MCC: variants seen among roughly 807,000 people sequenced by gnomAD.
MCC encodes MCC regulator of Wnt signaling pathway.
Under a neutral mutation model 116.2 loss-of-function variants are expected in MCC, and 90 were observed. The ratio of observed to expected loss-of-function variants is 0.77; its 90% CI spans 0.65 to 0.92. The LOEUF is 0.92. Ranked by LOEUF, MCC falls within the 40% of genes least tolerant of loss-of-function variation. MCC has a pLI of 0.00. For synonymous variants in MCC, 578 were observed against 510.5 expected, an observed-to-expected ratio of 1.13 and a Z score of -1.78; for missense variants, 1,516 against 1,312.2, an observed-to-expected ratio of 1.16 and a Z score of -2.40.
At chr5:113,156,554 C>T (rs1042651393) in intron 3 of MCC, among the ~76,000 whole-genome samples, 5 of 152,206 alleles carry the variant, frequency 3.3e-5, no homozygotes, top group Non-Finnish European at 5.9e-5. Context: ...CCAATAGCTG[C>T]GTTGCCAGAT....
intron 1 of MCC, among the ~76,000 whole-genome samples, chr5:113,396,641 T>C (rs1769533072): frequency 6.6e-6 from 1 of 152,022 alleles, no homozygotes; most frequent in Non-Finnish European, 1.5e-5. Context: ...GTCATTTAGG[T>C]ACTTGCAAGA....
intron 1 of MCC, among the ~76,000 whole-genome samples, chr5:113,448,663 G>T (rs549900287): frequency 6.6e-6 from 1 of 152,066 alleles, no homozygotes; most frequent in African/African-American, 2.4e-5. Context: ...TGCCTTGATC[G>T]TAGGAATAAG....
At chr5:113,383,363 TAATA>T (rs945376738) in intron 2 of MCC, among the ~76,000 whole-genome samples, 3 of 152,226 alleles carry the variant, frequency 2.0e-5, no homozygotes, top group Non-Finnish European at 2.9e-5. Flanking sequence ...TTTCATCATT[TAATA>T]AATATTTACT....
At chr5:113,105,305 T>C (rs143830753) in intron 6 of MCC, among the ~76,000 whole-genome samples, 3,481 of 152,308 alleles carry the variant, frequency 0.023, 55 homozygotes, top group Non-Finnish European at 0.034. Context: ...TCACCACAGG[T>C]TCCATGTACT....
intron 11 of MCC, among the ~76,000 whole-genome samples, chr5:113,071,701 T>A (rs987318753): frequency 6.6e-6 from 1 of 152,244 alleles, no homozygotes; most frequent in Non-Finnish European, 1.5e-5. Flanking sequence ...TTAAGTGTTG[T>A]TACTCCCATT....
intron 3 of MCC, among the ~76,000 whole-genome samples, chr5:113,308,667 T>A (rs536893675): frequency 1.3e-5 from 2 of 151,746 alleles, no homozygotes; most frequent in African/African-American, 4.8e-5. Flanking sequence ...CTACAGAAAA[T>A]CTAACAAAAA....
At chr5:113,217,404 C>A (rs1763364871) in intron 3 of MCC, among the ~76,000 whole-genome samples, 1 of 152,014 alleles carries the variant, frequency 6.6e-6, no homozygotes, top group African/African-American at 2.4e-5. Flanking sequence ...ATCAAAAGGA[C>A]AATATTAAGT....
intron 8 of MCC, among the ~76,000 whole-genome samples, chr5:113,099,872 C>T (rs1297901157): frequency 6.6e-6 from 1 of 152,216 alleles, no homozygotes; most frequent in Non-Finnish European, 1.5e-5. Context: ...CAAAGACCAA[C>T]AATTTCCCTC....
At position 113,488,237 on chromosome 5, in the gene MCC, C is replaced by A. The variant is rs755288339; in HGVS notation, c.170+8G>T. On this transcript the variant is annotated splice_region_variant and intron_variant, in intron 1 of 18. Transcript: ENST00000408903. ...CTCCTGTCGGTTTCCTCGTACCTCC[C>A]CGCGTACCTGCTGATGTATCCGTCC... The A allele has an allele frequency of 1.4e-5, 23 of 1,586,958 alleles. No homozygotes were observed. Among genetic ancestry groups the A allele is most frequent in the Non-Finnish European group, 1.8e-5 (21 of 1,167,860 alleles).
At chr5:113,429,188 GTCT>G (rs199606946) in intron 1 of MCC, among the ~76,000 whole-genome samples, 1,535 of 152,252 alleles carry the variant, frequency 0.01, 28 homozygotes, top group African/African-American at 0.035. Context: ...TGAAGACAGG[GTCT>G]TTAGGAGGTA....
intron 3 of MCC, among the ~76,000 whole-genome samples, chr5:113,197,530 G>GT (rs1194970052): frequency 6.6e-6 from 1 of 152,150 alleles, no homozygotes; most frequent in Non-Finnish European, 1.5e-5. Context: ...AAATCATAAA[G>GT]TAAAATAAGC....
intron 3 of MCC, among the ~76,000 whole-genome samples, chr5:113,185,727 C>A (rs1761867001): frequency 6.6e-6 from 1 of 152,142 alleles, no homozygotes; most frequent in Admixed American, 6.5e-5. Flanking sequence ...AAAATAATTA[C>A]AAGTGTAGGA....
intron 2 of MCC, among the ~76,000 whole-genome samples, chr5:113,376,604 C>T (rs535522224): frequency 6.6e-6 from 1 of 151,666 alleles, no homozygotes; most frequent in South Asian, 2.1e-4. Context: ...CACACACACA[C>T]ACATATCAGT....
chr5:113,082,281 C>T (rs1227586868), intron 11 of MCC, among the ~76,000 whole-genome samples: 4 of 152,182 alleles, frequency 2.6e-5, no homozygotes, highest in African/African-American at 4.8e-5. Flanking sequence ...AGCACATTTG[C>T]GAAGAACATA....
chr5:113,401,385 C>G (rs1039460590), intron 1 of MCC, among the ~76,000 whole-genome samples: 2 of 152,044 alleles, frequency 1.3e-5, no homozygotes, highest in African/African-American at 2.4e-5. Context: ...TCACTAAGTG[C>G]TACTCAATAG....
chr5:113,459,313 G>A (rs983403086), intron 1 of MCC, among the ~76,000 whole-genome samples: 13 of 151,902 alleles, frequency 8.6e-5, no homozygotes, highest in Non-Finnish European at 5.9e-5. Flanking sequence ...CGAGGCGGGT[G>A]GATCACGAGG....
At chr5:113,457,615 G>A (rs1045220021) in intron 1 of MCC, among the ~76,000 whole-genome samples, 37 of 152,244 alleles carry the variant, frequency 2.4e-4, no homozygotes, top group South Asian at 1.0e-3. Flanking sequence ...TCTTGAGTCT[G>A]GTGGGGCCTT....
chr5:113,278,194 T>C (rs1224071470), intron 3 of MCC, among the ~76,000 whole-genome samples: 1 of 152,196 alleles, frequency 6.6e-6, no homozygotes, highest in African/African-American at 2.4e-5. Flanking sequence ...GGCCCTGCCA[T>C]CTACCAGACC....
intron 1 of MCC, among the ~76,000 whole-genome samples, chr5:113,473,417 G>A (rs1772148010): frequency 6.6e-6 from 1 of 152,092 alleles, no homozygotes; most frequent in Non-Finnish European, 1.5e-5. Flanking sequence ...CCAGCTACTT[G>A]GAAGCCTGAT....
Sources: allele counts gnomAD v4.1 joint callset (sites outside exome capture counted in the v4.1 genomes callset), GRCh38; gene constraint gnomAD v4.1.1; transcripts MANE v1.5; gene names NCBI Gene and HGNC (gene_info 2026-07-23, HGNC 2026-07-21).